UGGT2: variants seen among roughly 807,000 people sequenced by gnomAD.
UGGT2 encodes the protein UDP-glucose glycoprotein glucosyltransferase 2, also known as UDP-glucose:glycoprotein glucosyltransferase 2.
In UGGT2, 180 loss-of-function variants were observed where a neutral mutation model predicts 192.1. The observed-to-expected ratio is 0.94, with a 90% confidence interval of 0.83 to 1.06. The LOEUF (loss-of-function observed/expected upper bound fraction) is 1.06. UGGT2 is among the 50% of genes least tolerant of loss of function. The pLI, the probability that UGGT2 is intolerant of heterozygous loss-of-function variation, is 0.00. For synonymous variants in UGGT2, 580 were observed against 591.0 expected (o/e 0.98, Z 0.27); for missense variants, 1,849 against 1,795.7 (o/e 1.03, Z -0.54).
chr13:95,845,380 G>T (rs1176923812), intron 36 of UGGT2, among the ~76,000 whole-genome samples: 52 of 33,486 alleles, frequency 1.6e-3, no homozygotes, highest in Admixed American at 2.5e-3. Context: ...GTGATGACTG[G>T]TATGCTGCCT....
intron 22 of UGGT2, among the ~76,000 whole-genome samples, chr13:95,899,686 G>A (rs1310590963): frequency 6.6e-6 from 1 of 151,880 alleles, no homozygotes; most frequent in Non-Finnish European, 1.5e-5. Flanking sequence ...GCTTGACATG[G>A]TCAAAGACAG....
chr13:95,964,562 G>C (rs753281227), intron 12 of UGGT2, among the ~76,000 whole-genome samples: 28 of 152,086 alleles, frequency 1.8e-4, no homozygotes, highest in Non-Finnish European at 3.4e-4. Flanking sequence ...TATTGCTACA[G>C]GGGCTAATAT....
intron 20 of UGGT2, among the ~76,000 whole-genome samples, chr13:95,913,044 G>T (rs1479746938): frequency 1.3e-5 from 2 of 152,152 alleles, no homozygotes; most frequent in Non-Finnish European, 2.9e-5. Context: ...TATGTAGAAA[G>T]CTGAAATTGG....
intron 20 of UGGT2, among the ~76,000 whole-genome samples, chr13:95,905,791 G>T (rs1403147389): frequency 6.6e-6 from 1 of 151,976 alleles, no homozygotes; most frequent in Non-Finnish European, 1.5e-5. Context: ...CTCTTTTTTG[G>T]TTCCATATGA....
intron 20 of UGGT2, among the ~76,000 whole-genome samples, chr13:95,908,352 C>T (rs943195512): frequency 3.3e-5 from 5 of 152,160 alleles, no homozygotes; most frequent in Non-Finnish European, 7.3e-5. Context: ...AGAACTTCCC[C>T]AACCTAGCAA....
At chr13:95,998,992 C>T (rs376222854) in intron 6 of UGGT2, among the ~76,000 whole-genome samples, 3 of 152,152 alleles carry the variant, frequency 2.0e-5, no homozygotes, top group Admixed American at 6.5e-5. Context: ...AAATAACATA[C>T]GATTTCATAT....
At chr13:95,827,714 T>G (rs778892758) in intron 38 of UGGT2, among the ~76,000 whole-genome samples, 2 of 152,022 alleles carry the variant, frequency 1.3e-5, no homozygotes, top group African/African-American at 2.4e-5. Flanking sequence ...TGGACAGAAG[T>G]ATGGTTAACT....
chr13:96,033,559 C>T (rs749703144), intron 1 of UGGT2, among the ~76,000 whole-genome samples: 22 of 152,144 alleles, frequency 1.4e-4, no homozygotes, highest in South Asian at 2.1e-4. Context: ...TGTGGACCAA[C>T]GCATCCCTGC....
chr13:95,947,109 A>C lies in UGGT2; in HGVS notation c.1605T>G (p.Val535=). The change falls in exon 15 of 39, where the codon GTT becomes GTG. Residue 535 remains valine, a synonymous_variant. Coordinates refer to ENST00000376747, the MANE Select transcript of UGGT2 (RefSeq NM_020121.4). ...DEVDGANDAG[V]ALWRAFNYIA... is the part of the protein sequence containing the mutation. ...TATAGTTGAAAGCTCGCCAGAGAGC[A>C]ACTCCAGCATCATTTGCTCCATCAA... 6.2e-7 allele frequency: 1 copy of C among 1,611,922 alleles called. No individual in the cohort carries two copies. The highest frequency in any genetic ancestry group is 8.5e-7 in the Non-Finnish European group (1 of 1,179,380).
intron 1 of UGGT2, among the ~76,000 whole-genome samples, chr13:96,042,246 C>T (rs1249136596): frequency 2.6e-5 from 4 of 152,184 alleles, no homozygotes. Context: ...GTTAGACCTA[C>T]TAGGTGGCTA....
chr13:95,953,289 G>A (rs982614281), intron 12 of UGGT2, among the ~76,000 whole-genome samples: 1 of 152,194 alleles, frequency 6.6e-6, no homozygotes, highest in South Asian at 2.1e-4. Context: ...GGAAATCTAT[G>A]AGTGCATTAT....
In UGGT2 at chr13:95,924,393, C is replaced by CTTTTTTTTTTTTTTTTTT. The variant is rs59757283; in HGVS notation, c.2295+1269_2295+1286dup. Among the ~76,000 whole-genome samples, 33 of 63,358 alleles carry CTTTTTTTTTTTTTTTTTT rather than the reference C, an allele frequency of 5.2e-4. 1 individual carries two copies. Among genetic ancestry groups the CTTTTTTTTTTTTTTTTTT allele is most frequent in the East Asian group, 2.7e-3 (5 of 1,824 alleles). 41.6% of individuals were successfully genotyped at this position (63,358 alleles called of 152,430 possible). ...AATAGATGTAATAGATCCCAAACAG[C>CTTTTTTTTTTTTTTTTTT]TTTTTTTTTTTTTTTTTTTTTTTTT... On this transcript the variant is annotated intron_variant, in intron 20 of 38. Coordinates refer to ENST00000376747, the MANE Select transcript of UGGT2 (RefSeq NM_020121.4).
chr13:95,806,036 TAAA>T (rs35951474), intron 38 of UGGT2, among the ~76,000 whole-genome samples: 1 of 84,828 alleles, frequency 1.2e-5, no homozygotes, highest in Non-Finnish European at 2.4e-5. Flanking sequence ...AAGAGATTAT[TAAA>T]AAAAAAAAAA....
At chr13:95,967,536 C>A (rs1594463328) in intron 12 of UGGT2, among the ~76,000 whole-genome samples, 1 of 145,172 alleles carries the variant, frequency 6.9e-6, no homozygotes. Context: ...TGCAGTAGGG[C>A]GATCCTGGCT....
chr13:95,825,601 T>C (rs1168464502), intron 38 of UGGT2, among the ~76,000 whole-genome samples: 2 of 152,258 alleles, frequency 1.3e-5, no homozygotes, highest in South Asian at 2.1e-4. Context: ...CCTGAAGTGT[T>C]CCAGGAAGGC....
chr13:95,875,812 AG>A (rs1594208262), intron 29 of UGGT2, among the ~76,000 whole-genome samples: 1 of 152,318 alleles, frequency 6.6e-6, no homozygotes, highest in East Asian at 1.9e-4. Context: ...CACAGTATAA[AG>A]GGGAAAGAGT....
At chr13:95,841,541 T>C (rs1887864712) in intron 36 of UGGT2, among the ~76,000 whole-genome samples, 1 of 152,188 alleles carries the variant, frequency 6.6e-6, no homozygotes, top group Admixed American at 6.5e-5. Flanking sequence ...GTGACAGATG[T>C]AGCAGCCAGA....
Position 96,050,063 on chromosome 13 carries a change from T to C in UGGT2, c.158+3092A>G, listed in dbSNP as rs146540941. ...AAGAACAAAGCTGGAGGCATCACGC[T>C]ACCTGACTTCAAACTATACTATAAG... On this transcript the variant is annotated intron_variant, in intron 1 of 38. Coordinates refer to ENST00000376747, the MANE Select transcript of UGGT2 (RefSeq NM_020121.4). Among the ~76,000 whole-genome samples the C allele has an allele frequency of 7.1e-3, 1,074 of 152,268 alleles. 18 individuals are homozygous for C. The highest frequency in any genetic ancestry group is 0.024 in the African/African-American group (1,015 of 41,552).
intron 38 of UGGT2, among the ~76,000 whole-genome samples, chr13:95,830,815 A>G (rs1886593626): frequency 1.3e-5 from 2 of 152,248 alleles, no homozygotes; most frequent in Non-Finnish European, 2.9e-5. Context: ...GCTGCTATAA[A>G]GACACATGCA....
Sources: gnomAD v4.1 joint callset for allele counts (sites outside exome capture counted in the v4.1 genomes callset) on GRCh38, gnomAD v4.1.1 for gene constraint, MANE v1.5 for transcripts, NCBI Gene and HGNC (gene_info 2026-07-23, HGNC 2026-07-21) for gene names.